The following PTPRD variants were observed in gnomAD, a reference collection of about 807,000 sequenced individuals.
PTPRD encodes the protein receptor-type tyrosine-protein phosphatase delta.
A neutral mutation model predicts 214.5 loss-of-function variants in PTPRD; 34 were observed. The observed-to-expected ratio is 0.16, with a 90% CI of 0.12 to 0.21. The LOEUF (loss-of-function observed/expected upper bound fraction) is 0.21. Among genes scored for constraint, PTPRD ranks in the 10% least tolerant of loss-of-function variants. The probability of loss-of-function intolerance (pLI) is 1.00; values close to 1 mark genes in which losing one functional copy is unlikely to be tolerated. For synonymous variants in PTPRD, 1,128 were observed against 845.7 expected, an observed-to-expected ratio of 1.33 and a Z score of -5.79; for missense variants, 2,545 against 2,398.7, an observed-to-expected ratio of 1.06 and a Z score of -1.27.
intron 7 of PTPRD, among the ~76,000 whole-genome samples, chr9:9,674,798 G>C (rs1022590798): frequency 1.3e-5 from 2 of 151,768 alleles, no homozygotes; most frequent in African/African-American, 2.4e-5. Context: ...AAAAGATTTT[G>C]ATACATATAA....
intron 11 of PTPRD, among the ~76,000 whole-genome samples, chr9:8,823,184 T>C (rs572835886): frequency 2.0e-5 from 3 of 152,262 alleles, no homozygotes; most frequent in Non-Finnish European, 4.4e-5. Flanking sequence ...GGGCCTGTTC[T>C]TTCTCAGGCT....
At chr9:10,442,171 G>C (rs1244677867) in intron 2 of PTPRD, among the ~76,000 whole-genome samples, 1 of 151,520 alleles carries the variant, frequency 6.6e-6, no homozygotes, top group African/African-American at 2.4e-5. Context: ...TGCAGAATTT[G>C]TTATTGATTA....
intron 11 of PTPRD, among the ~76,000 whole-genome samples, chr9:8,854,155 T>C (rs1352993946): frequency 6.6e-6 from 1 of 152,100 alleles, no homozygotes; most frequent in African/African-American, 2.4e-5. Flanking sequence ...TAGAAACTTT[T>C]GGGAATTAAA....
chr9:8,977,744 A>G (rs986807103), intron 11 of PTPRD, among the ~76,000 whole-genome samples: 4 of 151,668 alleles, frequency 2.6e-5, no homozygotes, highest in African/African-American at 4.8e-5. Context: ...AGAGATAGAA[A>G]GTGAGGTGCC....
At chr9:9,842,447 C>G (rs1181419962) in intron 5 of PTPRD, among the ~76,000 whole-genome samples, 1 of 150,436 alleles carries the variant, frequency 6.6e-6, no homozygotes. Context: ...TAGCTATTAA[C>G]CAAAGCTATT....
chr9:10,604,137 A>G lies in PTPRD; in HGVS notation c.-600+8261T>C, dbSNP rs575753501. On this transcript the variant is annotated intron_variant, in intron 2 of 45. Coordinates refer to ENST00000381196, the MANE Select transcript of PTPRD (RefSeq NM_002839.4). ...AAGAGAACTGATGAGTAATGGAGGAAAGAAAAGCCTGCCATGGTGAGGACC... is the reference window on the plus strand; with the variant it reads ...AAGAGAACTGATGAGTAATGGAGGAGAGAAAAGCCTGCCATGGTGAGGACC... Among the ~76,000 whole-genome samples, 394 of 151,786 alleles carry G rather than the reference A, an allele frequency of 2.6e-3. 4 individuals are homozygous for G. Among genetic ancestry groups the G allele is most frequent in the African/African-American group, 8.8e-3 (367 of 41,496 alleles).
intron 11 of PTPRD, among the ~76,000 whole-genome samples, chr9:8,772,129 C>T (rs973698915): frequency 6.6e-6 from 1 of 151,006 alleles, no homozygotes; most frequent in Non-Finnish European, 1.5e-5. Context: ...ACTATTCCTT[C>T]CTGAAAAAAC....
intron 11 of PTPRD, among the ~76,000 whole-genome samples, chr9:8,752,870 G>T (rs989087963): frequency 1.2e-4 from 18 of 152,112 alleles, no homozygotes; most frequent in African/African-American, 3.4e-4. Context: ...ATAATTAAGT[G>T]GGTACTGGGT....
At chr9:9,766,287 C>T (rs984982808) in intron 6 of PTPRD, among the ~76,000 whole-genome samples, 7 of 152,056 alleles carry the variant, frequency 4.6e-5, no homozygotes, top group Non-Finnish European at 1.0e-4. Flanking sequence ...TAACCTTGAA[C>T]TATCCCCCCT....
intron 14 of PTPRD, among the ~76,000 whole-genome samples, chr9:8,586,239 G>A (rs1462985542): frequency 6.6e-6 from 1 of 152,202 alleles, no homozygotes; most frequent in Non-Finnish European, 1.5e-5. Flanking sequence ...GGTGGAAGTT[G>A]CGGTGAGCTG....
chr9:10,588,547 A>G (rs1443602075), intron 2 of PTPRD, among the ~76,000 whole-genome samples: 4 of 151,954 alleles, frequency 2.6e-5, no homozygotes, highest in African/African-American at 9.7e-5. Flanking sequence ...AACTCATACT[A>G]TTGATATTAG....
chr9:9,543,600 C>A (rs548821767), intron 8 of PTPRD, among the ~76,000 whole-genome samples: 3 of 151,530 alleles, frequency 2.0e-5, no homozygotes, highest in South Asian at 2.1e-4. Flanking sequence ...AATGCAGGTA[C>A]AAATAACTTG....
At chr9:9,411,310 T>C (rs965805751) in intron 8 of PTPRD, among the ~76,000 whole-genome samples, 3 of 144,846 alleles carry the variant, frequency 2.1e-5, no homozygotes, top group Non-Finnish European at 3.0e-5. Context: ...ACAAAGACTT[T>C]TGTCTCATAA....
intron 14 of PTPRD, among the ~76,000 whole-genome samples, chr9:8,545,948 C>A (rs141647953): frequency 1.1e-4 from 17 of 152,288 alleles, no homozygotes; most frequent in Non-Finnish European, 2.5e-4. Context: ...CTTTGTCCAC[C>A]TCAATTTATC....
At chr9:9,920,124 T>C (rs147232229) in intron 5 of PTPRD, among the ~76,000 whole-genome samples, 1 of 152,148 alleles carries the variant, frequency 6.6e-6, no homozygotes, top group Admixed American at 6.6e-5. Flanking sequence ...GACAAAATTG[T>C]TGTCAGTTTT....
At chr9:9,528,625 G>A (rs76319613) in intron 8 of PTPRD, among the ~76,000 whole-genome samples, 4,860 of 151,930 alleles carry the variant, frequency 0.032, 270 homozygotes, top group African/African-American at 0.11. Flanking sequence ...AAAGAACCAC[G>A]AGAAAATAAA....
chr9:8,470,866 C>A (rs767892620), intron 31 of PTPRD, 129 bp downstream of exon 31: 60 of 760,686 alleles, frequency 7.9e-5, no homozygotes, highest in Non-Finnish European at 1.2e-4. Context: ...TAGCACTGAA[C>A]CATCCAACCA....
At chr9:9,855,044 C>G (rs2061283245) in intron 5 of PTPRD, among the ~76,000 whole-genome samples, 2 of 152,178 alleles carry the variant, frequency 1.3e-5, no homozygotes, top group East Asian at 1.9e-4. Flanking sequence ...TATTTTCAAG[C>G]TTTCCCCATA....
intron 10 of PTPRD, among the ~76,000 whole-genome samples, chr9:9,163,224 A>G (rs903365700): frequency 6.6e-6 from 1 of 152,154 alleles, no homozygotes; most frequent in African/African-American, 2.4e-5. Flanking sequence ...CCTTCAGTAC[A>G]GACATCTTTC....
Sources: gnomAD v4.1 joint callset for allele counts (sites outside exome capture counted in the v4.1 genomes callset) on GRCh38, gnomAD v4.1.1 for gene constraint, MANE v1.5 for transcripts, NCBI Gene and HGNC (gene_info 2026-07-23, HGNC 2026-07-21) for gene names.